The following DEFB121 variants were observed in gnomAD, a reference collection of about 807,000 sequenced individuals.
The protein encoded by DEFB121 is beta-defensin 121.
In DEFB121, 5 loss-of-function variants were observed where a neutral mutation model predicts 2.5. The ratio of observed to expected loss-of-function variants is 1.96; its 90% CI spans 1.03 to 4.13. The LOEUF (loss-of-function observed/expected upper bound fraction) is 4.13, where lower values mean the gene tolerates loss of function less well. DEFB121 is among the 30% of genes most tolerant of loss of function. DEFB121 has a pLI of 0.00. For synonymous variants in DEFB121, 39 were observed against 32.6 expected, an observed-to-expected ratio of 1.20 and a Z score of -0.67; for missense variants, 87 against 85.0, an observed-to-expected ratio of 1.02 and a Z score of -0.09.
At chr20:31,407,181 C>A (rs138125093), upstream of DEFB121, among the ~76,000 whole-genome samples, 2,468 of 150,912 alleles carry the variant, frequency 0.016, 43 homozygotes, top group Middle Eastern at 0.044. Context: ...ATCCGGGAGG[C>A]GGAGGTTGCA....
At chr20:31,416,526 A>G (rs1317470021), upstream of DEFB121, among the ~76,000 whole-genome samples, 1 of 152,166 alleles carries the variant, frequency 6.6e-6, no homozygotes, top group Non-Finnish European at 1.5e-5. Flanking sequence ...GTGAGTGTAG[A>G]GTCTCAGAAT....
the DEFB121 span, among the ~76,000 whole-genome samples, chr20:31,418,420 A>G: frequency 6.6e-6 from 1 of 152,160 alleles, no homozygotes; most frequent in Non-Finnish European, 1.5e-5. Context: ...ATTTCTCCAC[A>G]GTAAAGAGGT....
upstream of DEFB121, among the ~76,000 whole-genome samples, chr20:31,417,096 A>C (rs1342999259): frequency 6.6e-6 from 1 of 152,210 alleles, no homozygotes; most frequent in Admixed American, 6.5e-5. Flanking sequence ...CTATAATCCC[A>C]GCACTTTGGG....
At chr20:31,414,176 C>A (rs1978741285), upstream of DEFB121, among the ~76,000 whole-genome samples, 2 of 151,798 alleles carry the variant, frequency 1.3e-5, no homozygotes, top group Admixed American at 1.3e-4. Context: ...CATTGCCCTC[C>A]AGCCTGGGCA....
upstream of DEFB121, among the ~76,000 whole-genome samples, chr20:31,408,181 T>C (rs1053934948): frequency 6.6e-6 from 1 of 152,236 alleles, no homozygotes; most frequent in African/African-American, 2.4e-5. Flanking sequence ...CAGAGGCTCC[T>C]GCCTGTAATC....
chr20:31,407,854 T>C (rs1215891822), upstream of DEFB121, among the ~76,000 whole-genome samples: 1 of 152,208 alleles, frequency 6.6e-6, no homozygotes, highest in East Asian at 1.9e-4. Flanking sequence ...CTCAGCTCAT[T>C]GCAACCTCTG....
upstream of DEFB121, among the ~76,000 whole-genome samples, chr20:31,406,889 T>G (rs905464050): frequency 6.6e-6 from 1 of 152,042 alleles, no homozygotes; most frequent in Admixed American, 6.6e-5. Context: ...AACCTCGAAT[T>G]CCTGGTCTCA....
chr20:31,410,482 G>A (rs1978628134), upstream of DEFB121, among the ~76,000 whole-genome samples: 1 of 152,050 alleles, frequency 6.6e-6, no homozygotes, highest in South Asian at 2.1e-4. Flanking sequence ...TGTGAGAGAT[G>A]GATAGGAGTT....
rs1349922395 is a variant in DEFB121 at position 31,412,675 on chromosome 20, C to A, written n.164G>T. The A allele has an allele frequency of 3.9e-6, 5 of 1,290,778 alleles. No homozygotes were observed. The Admixed American group carries it at 9.2e-5, about 24-fold the overall frequency. 80.0% of individuals were successfully genotyped at this position (1,290,778 alleles called of 1,614,324 possible). On this transcript the variant is annotated non_coding_transcript_exon_variant, in exon 1 of 2. Coordinates refer to the DEFB121 transcript ENST00000376312. ...ATTGACCTCTTTCCTCCTTGAGGCT[C>A]TTCTGGCTTTTCATTGTCAACACAG... is the stretch of plus-strand genomic sequence containing the variant.
upstream of DEFB121, among the ~76,000 whole-genome samples, chr20:31,407,482 G>C (rs1242400068): frequency 6.6e-6 from 1 of 152,164 alleles, no homozygotes; most frequent in East Asian, 1.9e-4. Context: ...GCCCTTCTGT[G>C]TCTCTGCCAT....
upstream of DEFB121, among the ~76,000 whole-genome samples, chr20:31,416,770 G>C (rs1978816977): frequency 6.6e-6 from 1 of 152,174 alleles, no homozygotes; most frequent in African/African-American, 2.4e-5. Context: ...AACAGTTCCA[G>C]AGAATAAGTC....
At chr20:31,410,696 C>A (rs1375374471), upstream of DEFB121, among the ~76,000 whole-genome samples, 1 of 152,036 alleles carries the variant, frequency 6.6e-6, no homozygotes, top group African/African-American at 2.4e-5. Context: ...TCCTCTCCTT[C>A]CAGAAGGGAC....
chr20:31,418,259 C>CAGAAAAAA, the DEFB121 span, among the ~76,000 whole-genome samples: 1 of 82,922 alleles, frequency 1.2e-5, no homozygotes, highest in Non-Finnish European at 2.5e-5. Flanking sequence ...GACTCCGTCT[C>CAGAAAAAA]AAAAAAAAAA....
chr20:31,415,306 G>A (rs1250561646), upstream of DEFB121, among the ~76,000 whole-genome samples: 2 of 151,422 alleles, frequency 1.3e-5, no homozygotes, highest in Admixed American at 6.6e-5. Flanking sequence ...CTGGAGTGGA[G>A]TGGTACGATC....
At chr20:31,408,780 CT>C (rs769162395), upstream of DEFB121, among the ~76,000 whole-genome samples, 2 of 152,182 alleles carry the variant, frequency 1.3e-5, no homozygotes, top group Non-Finnish European at 2.9e-5. Flanking sequence ...AATTCCAGCA[CT>C]TTGGGAGACT....
chr20:31,408,221 A>G (rs1600530499), upstream of DEFB121, among the ~76,000 whole-genome samples: 2 of 152,180 alleles, frequency 1.3e-5, no homozygotes, highest in East Asian at 3.9e-4. Context: ...AGGCAGGAGG[A>G]TTGCTTGAAG....
At chr20:31,406,225 A>G, upstream of DEFB121, 1 of 1,597,386 alleles carries the variant, frequency 6.3e-7, no homozygotes, top group Non-Finnish European at 8.5e-7. Context: ...CATTCTGGGC[A>G]GTCCAGACTG....
At chr20:31,416,901 A>G (rs990286713), upstream of DEFB121, among the ~76,000 whole-genome samples, 1 of 152,100 alleles carries the variant, frequency 6.6e-6, no homozygotes, top group African/African-American at 2.4e-5. Context: ...ATATTCTCTT[A>G]TACTGGTGAG....
At chr20:31,405,794 C>T (rs1202435315) in intron 1 of DEFB121, among the ~76,000 whole-genome samples, 1 of 152,060 alleles carries the variant, frequency 6.6e-6, no homozygotes, top group Non-Finnish European at 1.5e-5. Context: ...TGAAAAAGTC[C>T]CCATTTTCTC....
Sources: allele counts gnomAD v4.1 joint callset (sites outside exome capture counted in the v4.1 genomes callset), GRCh38; gene constraint gnomAD v4.1.1; transcripts MANE v1.5; gene names NCBI Gene and HGNC (gene_info 2026-07-23, HGNC 2026-07-21).